Variants in PIGZ observed in about 807,000 individuals in gnomAD.
PIGZ encodes the protein phosphatidylinositol glycan anchor biosynthesis class Z (Gwada blood group).
PIGZ carries 16 observed loss-of-function variants against 16.4 expected under a neutral mutation model. The ratio of observed to expected loss-of-function variants is 0.97; its 90% CI spans 0.66 to 1.48. The LOEUF (loss-of-function observed/expected upper bound fraction) is 1.48, where lower values mean the gene tolerates loss of function less well. Among genes scored for constraint, PIGZ ranks in the 40% most tolerant of loss-of-function variants. PIGZ has a pLI of 0.00. For synonymous variants in PIGZ, 409 were observed against 338.4 expected (o/e 1.21, Z -2.29); for missense variants, 770 against 739.2 (o/e 1.04, Z -0.48).
At chr3:196,964,397 C>T (rs1346077983) in intron 1 of PIGZ, among the ~76,000 whole-genome samples, 1 of 149,156 alleles carries the variant, frequency 6.7e-6, no homozygotes, top group Admixed American at 6.8e-5. Flanking sequence ...TCTTGCTTGT[C>T]GCCTAGGCTA....
Position 196,947,482 on chromosome 3 carries a change from A to T in PIGZ, c.1415T>A (p.Leu472His). 1 of 1,613,504 alleles carries T rather than the reference A, an allele frequency of 6.2e-7. No individual in the cohort carries two copies. ...FTHTYMPPRH[L>H]LHLPGLGAPV... Reference sequence around the variant, plus strand: ...TGCCCCCAGGCCTGGGAGGTGTAGGAGGTGCCGGGGGGGCATGTAGGTGTG... The same window carrying T: ...TGCCCCCAGGCCTGGGAGGTGTAGGTGGTGCCGGGGGGGCATGTAGGTGTG... Residue 472 changes from leucine (L) to histidine (H), a missense_variant, in exon 3 of 3, where the codon CTC becomes CAC. Physicochemically the swap from Leu to His is moderately conservative, Grantham distance 99. Coordinates refer to ENST00000412723, the MANE Select transcript of PIGZ (RefSeq NM_025163.4).
chr3:196,947,029 G>A lies in PIGZ; in HGVS notation c.*128C>T. On this transcript the variant is annotated 3_prime_UTR_variant, in exon 3 of 3. Coordinates refer to ENST00000412723, the MANE Select transcript of PIGZ (RefSeq NM_025163.4). ...GAACAGCTAACAGCCATGCCCAGGA[G>A]AGGCAGCAGTGGGAGTCATGAAGGA... 1.3e-6 allele frequency: 1 copy of A among 761,108 alleles called. No individual in the cohort carries two copies. The highest frequency in any genetic ancestry group is 2.1e-6 in the Non-Finnish European group (1 of 485,304). The allele number at this position is 761,108 out of a possible 1,614,324, so 47.1% of individuals were successfully genotyped here. A position where few individuals can be genotyped will look rare whatever the true frequency, so the allele number is the denominator to read the frequency against.
intron 1 of PIGZ, 101 bp from the exon 2 acceptor site, chr3:196,952,132 A>C: frequency 9.3e-7 from 1 of 1,074,012 alleles, no homozygotes; most frequent in Non-Finnish European, 1.4e-6. Context: ...AAAAATGACA[A>C]TAATAATAAT....
At chr3:196,967,940 T>G (rs373002610) in intron 1 of PIGZ, among the ~76,000 whole-genome samples, 3 of 152,224 alleles carry the variant, frequency 2.0e-5, no homozygotes, top group Non-Finnish European at 4.4e-5. Context: ...TTGACGATTT[T>G]GAAAGTAGTT....
chr3:196,948,272 G>T lies in PIGZ; in HGVS notation c.625C>A (p.Pro209Thr). The T allele has an allele frequency of 6.2e-7, 1 of 1,614,160 alleles. No homozygotes were observed. The highest frequency in any genetic ancestry group is 2.2e-5 in the East Asian group (1 of 44,878). The change falls in exon 3 of 3, where the codon CCA becomes ACA. Residue 209 changes from proline (P) to threonine (T), a missense_variant. Physicochemically the swap from Pro to Thr is conservative, Grantham distance 38 (BLOSUM62 -1). Coordinates refer to ENST00000412723, the MANE Select transcript of PIGZ (RefSeq NM_025163.4). ...GPTRKEPAPG[P>T]RWRSWLLGGI... ...CCAAGAAGCCAGCTGCGCCACCGTG[G>T]ACCCGGCGCCGGCTCCTTGCGTGTA...
At chr3:196,952,130 CAATAAT>C (rs1577886955) in intron 1 of PIGZ, 99 bp from the exon 2 acceptor site, 3 of 1,110,224 alleles carry the variant, frequency 2.7e-6, no homozygotes, top group Admixed American at 4.1e-5. Context: ...ATAAAAATGA[CAATAAT>C]AATAATAGCT....
chr3:196,956,964 G>C (rs887308442), intron 1 of PIGZ, among the ~76,000 whole-genome samples: 11 of 152,128 alleles, frequency 7.2e-5, no homozygotes, highest in African/African-American at 2.2e-4. Context: ...CTCACTCATA[G>C]TGCCCTGTTT....
At chr3:196,954,528 T>A (rs1031869562) in intron 1 of PIGZ, among the ~76,000 whole-genome samples, 8 of 152,230 alleles carry the variant, frequency 5.3e-5, no homozygotes, top group Admixed American at 4.6e-4. Flanking sequence ...CCCTTGTTTT[T>A]AATTTCTTTG....
chr3:196,962,304 G>A (rs941134616), intron 1 of PIGZ, among the ~76,000 whole-genome samples: 2 of 152,152 alleles, frequency 1.3e-5, no homozygotes, highest in African/African-American at 4.8e-5. Context: ...CCATTCTCCA[G>A]TCTTGAGTAC....
chr3:196,953,679 A>G (rs775062890), intron 1 of PIGZ, among the ~76,000 whole-genome samples: 4 of 152,172 alleles, frequency 2.6e-5, no homozygotes, highest in Non-Finnish European at 4.4e-5. Context: ...TGACTTCTTG[A>G]TATTTTAAAT....
chr3:196,963,776 G>A (rs572111130), intron 1 of PIGZ, among the ~76,000 whole-genome samples: 2 of 152,274 alleles, frequency 1.3e-5, no homozygotes, highest in East Asian at 1.9e-4. Flanking sequence ...TGGCTTCCAC[G>A]GGCTCTCACA....
chr3:196,948,880 CCTT>C (rs1560180740), intron 2 of PIGZ, among the ~76,000 whole-genome samples, 195 bp from the exon 3 acceptor site: 40 of 45,242 alleles, frequency 8.8e-4, no homozygotes, highest in Middle Eastern at 0.01. Flanking sequence ...TCCTTCCTTC[CCTT>C]CCTTCCCCTT....
rs1560181041 is a variant in PIGZ at position 196,948,936 on chromosome 3, T to TCTCTTC, written c.212-252_212-251insGAAGAG. 2.5e-3 allele frequency among the ~76,000 whole-genome samples: 29 copies of TCTCTTC among 11,682 alleles called. 7 individuals carry two copies. The highest frequency in any genetic ancestry group is 0.019 in the East Asian group (1 of 54). 7.7% of individuals were successfully genotyped at this position (11,682 alleles called of 152,430 possible). ...CTCCCTTCCCTTCCTTCCCTTTACTTCCCTTCCTTCCCCTCCCCTCCCTTC... is the reference window on the plus strand; with the variant it reads ...CTCCCTTCCCTTCCTTCCCTTTACTTCTCTTCCCCTTCCTTCCCCTCCCCTCCCTTC... On this transcript the variant is annotated intron_variant, in intron 2 of 2. Transcript: ENST00000412723.
chr3:196,960,715 GGAAA>G (rs1403798541), intron 1 of PIGZ, among the ~76,000 whole-genome samples: 5 of 67,572 alleles, frequency 7.4e-5, no homozygotes, highest in Admixed American at 3.3e-4. Context: ...AAGGAAGGAA[GGAAA>G]GAAAGAAAAG....
At chr3:196,948,984 TC>T (rs1681097028) in intron 2 of PIGZ, among the ~76,000 whole-genome samples, 4 of 50,148 alleles carry the variant, frequency 8.0e-5, no homozygotes, top group African/African-American at 3.4e-4. Flanking sequence ...TCCCCTCCCT[TC>T]CCTTCCTTCC....
At chr3:196,968,327 G>A (rs78591565) in intron 1 of PIGZ, among the ~76,000 whole-genome samples, 1 of 152,138 alleles carries the variant, frequency 6.6e-6, no homozygotes, top group African/African-American at 2.4e-5. Context: ...GTCGGGTTAT[G>A]GGCCTCCCTG....
At chr3:196,955,731 A>G (rs1193649299) in intron 1 of PIGZ, among the ~76,000 whole-genome samples, 2 of 151,544 alleles carry the variant, frequency 1.3e-5, no homozygotes, top group East Asian at 3.9e-4. Context: ...GGTGCGCACC[A>G]CCACGGCTGC....
intron 1 of PIGZ, among the ~76,000 whole-genome samples, chr3:196,966,003 T>C (rs1002707407): frequency 6.6e-6 from 1 of 152,192 alleles, no homozygotes; most frequent in Admixed American, 6.5e-5. Flanking sequence ...TTCCTTACTG[T>C]GGCTGACAAG....
At chr3:196,966,458 C>A (rs912332473) in intron 1 of PIGZ, among the ~76,000 whole-genome samples, 1 of 152,246 alleles carries the variant, frequency 6.6e-6, no homozygotes, top group African/African-American at 2.4e-5. Flanking sequence ...ACTCTGCAGG[C>A]GCCATGCGCT....
Sources: gnomAD v4.1 joint callset for allele counts (sites outside exome capture counted in the v4.1 genomes callset) on GRCh38, gnomAD v4.1.1 for gene constraint, MANE v1.5 for transcripts, NCBI Gene and HGNC (gene_info 2026-07-23, HGNC 2026-07-21) for gene names.